The following RALA variants were observed in gnomAD, a reference collection of about 807,000 sequenced individuals.
The protein encoded by RALA is ras-related protein Ral-A.
A neutral mutation model predicts 24.0 loss-of-function variants in RALA; 5 were observed. The ratio of observed to expected loss-of-function variants is 0.21; its 90% CI spans 0.11 to 0.44. The LOEUF (loss-of-function observed/expected upper bound fraction) is 0.44, where lower values mean the gene tolerates loss of function less well. RALA is among the 20% of genes least tolerant of loss of function. The probability of loss-of-function intolerance (pLI) is 0.99; values close to 1 mark genes in which losing one functional copy is unlikely to be tolerated. For missense variants in RALA, 95 were observed against 241.2 expected (o/e 0.39, Z 4.01); for synonymous variants, 77 against 83.8 (o/e 0.92, Z 0.44).
At chr7:39,634,565 C>G (rs1791653764) in intron 1 of RALA, among the ~76,000 whole-genome samples, 1 of 152,312 alleles carries the variant, frequency 6.6e-6, no homozygotes, top group East Asian at 1.9e-4. Flanking sequence ...CCCCAGAAGT[C>G]TTAGGTTTCT....
chr7:39,667,816 C>CT (rs1191453970), intron 1 of RALA, among the ~76,000 whole-genome samples: 2 of 152,164 alleles, frequency 1.3e-5, no homozygotes, highest in Non-Finnish European at 2.9e-5. Context: ...AGGGTAAACT[C>CT]TATTCTTTTG....
intron 1 of RALA, among the ~76,000 whole-genome samples, chr7:39,676,310 G>T (rs544043944): frequency 6.6e-6 from 1 of 152,264 alleles, no homozygotes; most frequent in African/African-American, 2.4e-5. Context: ...CAGATCAGAG[G>T]CAAGGGAAAT....
intron 3 of RALA, among the ~76,000 whole-genome samples, chr7:39,695,787 T>TC (rs1792908500): frequency 6.6e-6 from 1 of 152,186 alleles, no homozygotes; most frequent in South Asian, 2.1e-4. Context: ...TACGTTCCTA[T>TC]AGCTTCAACA....
intron 1 of RALA, among the ~76,000 whole-genome samples, chr7:39,671,950 C>T (rs1050815531): frequency 2.6e-5 from 4 of 152,084 alleles, no homozygotes; most frequent in African/African-American, 9.7e-5. Flanking sequence ...TCAGTTATAA[C>T]TAATGTCATT....
chr7:39,624,291 GTTTGT>G (rs1417970216), intron 1 of RALA: 1 of 132,854 alleles, frequency 7.5e-6, no homozygotes, highest in Non-Finnish European at 1.5e-5. Flanking sequence ...TTTTTTGTTT[GTTTGT>G]TTTGTTTGTT....
chr7:39,627,661 T>C (rs1030277076), intron 1 of RALA, among the ~76,000 whole-genome samples: 3 of 152,218 alleles, frequency 2.0e-5, no homozygotes, highest in African/African-American at 4.8e-5. Context: ...TGTTTTCTTA[T>C]GTAGTTGAGA....
intron 1 of RALA, among the ~76,000 whole-genome samples, chr7:39,644,805 T>C (rs1030772827): frequency 6.6e-6 from 1 of 152,250 alleles, no homozygotes; most frequent in Admixed American, 6.5e-5. Context: ...TTTATGCTGC[T>C]ATTTCTTGAT....
At chr7:39,685,925 C>T (rs1244422756) in intron 1 of RALA, among the ~76,000 whole-genome samples, 1 of 152,014 alleles carries the variant, frequency 6.6e-6, no homozygotes. Flanking sequence ...ACATCTTGGT[C>T]GGGGGTGCGG....
rs750433404 is a variant in RALA, at chr7:39,630,407, TTCTC to T, written c.-38+6586_-38+6589del. 3.9e-5 allele frequency among the ~76,000 whole-genome samples: 6 copies of T among 152,238 alleles called. No homozygotes were observed. In the South Asian group the frequency reaches 6.2e-4, roughly 16 times the overall value. On this transcript the variant is annotated intron_variant, in intron 1 of 4. Coordinates refer to ENST00000005257, the MANE Select transcript of RALA (RefSeq NM_005402.4). ...CTTTTTTCCTCTCAGCTTTGAAAAG[TTCTC>T]TCTATTTAAGAATATTAACCGTTTA...
intron 1 of RALA, among the ~76,000 whole-genome samples, chr7:39,645,321 G>A (rs767222533): frequency 7.2e-5 from 11 of 152,106 alleles, no homozygotes; most frequent in Non-Finnish European, 1.6e-4. Flanking sequence ...GGAGGTGGGG[G>A]CAGAAGGGTT....
intron 1 of RALA, among the ~76,000 whole-genome samples, chr7:39,679,721 A>ATT (rs35439653): frequency 6.7e-6 from 1 of 148,560 alleles, no homozygotes. Context: ...GCCATGCAGA[A>ATT]TTTTTTTTTT....
chr7:39,684,821 A>T (rs1306043851), intron 1 of RALA, among the ~76,000 whole-genome samples: 1 of 152,066 alleles, frequency 6.6e-6, no homozygotes, highest in Non-Finnish European at 1.5e-5. Flanking sequence ...CACAGGTTGG[A>T]CAAGCTTGGC....
chr7:39,699,382 C>G (rs1000177514), intron 4 of RALA, among the ~76,000 whole-genome samples: 1 of 151,798 alleles, frequency 6.6e-6, no homozygotes, highest in South Asian at 2.1e-4. Context: ...CCTCATGATC[C>G]ACCCGCCTCG....
intron 1 of RALA, among the ~76,000 whole-genome samples, chr7:39,664,039 C>G (rs1159493543): frequency 2.0e-5 from 3 of 152,160 alleles, no homozygotes; most frequent in Non-Finnish European, 4.4e-5. Flanking sequence ...TTAAGAAAAA[C>G]ATTGAGGAGA....
chr7:39,630,347 C>T (rs778888717), intron 1 of RALA, among the ~76,000 whole-genome samples: 14 of 151,944 alleles, frequency 9.2e-5, no homozygotes, highest in East Asian at 3.9e-4. Flanking sequence ...CTATCGTGCC[C>T]GACCAATTTG....
intron 2 of RALA, among the ~76,000 whole-genome samples, chr7:39,687,745 C>T (rs1037400737): frequency 6.6e-6 from 1 of 152,182 alleles, no homozygotes; most frequent in Non-Finnish European, 1.5e-5. Context: ...TTGCAGACAA[C>T]TTAGTCCTCG....
intron 1 of RALA, among the ~76,000 whole-genome samples, chr7:39,655,622 G>A (rs1164096593): frequency 2.6e-5 from 4 of 151,614 alleles, no homozygotes; most frequent in African/African-American, 9.7e-5. Context: ...CCAGTTTATT[G>A]TTCTTCTTAA....
intron 1 of RALA, among the ~76,000 whole-genome samples, chr7:39,659,747 G>A (rs973924269): frequency 6.6e-6 from 1 of 152,186 alleles, no homozygotes; most frequent in Non-Finnish European, 1.5e-5. Flanking sequence ...ATTGGCCACT[G>A]CAGAAAGGAG....
intron 4 of RALA, among the ~76,000 whole-genome samples, chr7:39,702,540 C>T (rs1159601889): frequency 6.6e-6 from 1 of 152,154 alleles, no homozygotes; most frequent in Non-Finnish European, 1.5e-5. Context: ...TTCCATAATT[C>T]AGCCATTTTC....
Sources: gnomAD v4.1 joint callset for allele counts (sites outside exome capture counted in the v4.1 genomes callset) on GRCh38, gnomAD v4.1.1 for gene constraint, MANE v1.5 for transcripts, NCBI Gene and HGNC (gene_info 2026-07-23, HGNC 2026-07-21) for gene names.